Variants in GDAP2 observed in about 807,000 individuals in gnomAD.
GDAP2 encodes ganglioside induced differentiation associated protein 2, also known as ganglioside-induced differentiation-associated protein 2.
Under a neutral mutation model 67.0 loss-of-function variants are expected in GDAP2, and 51 were observed. The ratio of observed to expected loss-of-function variants is 0.76; its 90% CI spans 0.61 to 0.96. GDAP2 has a LOEUF of 0.96. Among genes scored for constraint, GDAP2 ranks in the 40% least tolerant of loss-of-function variants. The pLI is 0.00. For missense variants in GDAP2, 547 were observed against 588.3 expected (o/e 0.93, Z 0.73); for synonymous variants, 203 against 207.3 (o/e 0.98, Z 0.18).
intron 6 of GDAP2, among the ~76,000 whole-genome samples, chr1:117,905,961 C>T (rs1477468850): frequency 6.6e-6 from 1 of 151,894 alleles, no homozygotes; most frequent in East Asian, 1.9e-4. Flanking sequence ...CTCAATAATA[C>T]AAAACTTGGA....
intron 10 of GDAP2, among the ~76,000 whole-genome samples, chr1:117,884,683 G>A (rs1648785172): frequency 6.6e-6 from 1 of 152,018 alleles, no homozygotes; most frequent in African/African-American, 2.4e-5. Context: ...AAAATCAAAT[G>A]CAAAGATTTA....
chr1:117,922,447 T>C (rs1376506135), intron 1 of GDAP2, among the ~76,000 whole-genome samples: 1 of 152,200 alleles, frequency 6.6e-6, no homozygotes. Context: ...AAAGGTTGAA[T>C]AACAGGACTA....
Position 117,881,858 on chromosome 1 carries a change from C to T in GDAP2, c.1267G>A (p.Ala423Thr). The change falls in exon 12 of 14, where the codon GCT (alanine) becomes ACT (threonine). Residue 423 changes from alanine to threonine, a missense_variant. Physicochemically the swap from Ala to Thr is moderately conservative, Grantham distance 58. Transcript: ENST00000369443. ...AATGTGGGATGTACAAAATAAACAG[C>T]CTTCAAATTCCTCTTGTACCTGATC... ...VDVKYKRNLK[A>T]VYFVHPTFRS... 10 of 1,575,454 alleles carry T rather than the reference C, an allele frequency of 6.3e-6. No individual in the cohort carries two copies. Among genetic ancestry groups the T allele is most frequent in the Non-Finnish European group, 8.7e-6 (10 of 1,145,024 alleles).
At chr1:117,877,343 G>T in intron 13 of GDAP2, 1 of 978,992 alleles carries the variant, frequency 1.0e-6, no homozygotes, top group Non-Finnish European at 1.2e-6. Context: ...ATAAAGATAA[G>T]CAATCAGCAA....
chr1:117,878,056 G>T lies in GDAP2; in HGVS notation c.1399C>A (p.Pro467Thr). The T allele has an allele frequency of 6.2e-7, 1 of 1,611,524 alleles. No homozygotes were observed. ...AAAGGAGGAAAGTCAATCTGTTCTG[G>T]TGATATGGCAGAAAACAGCTGGTGG... Reference protein sequence around the residue: ...SLHQLFSAISPEQIDFPPFVL... With the variant: ...SLHQLFSAISTEQIDFPPFVL... Residue 467 changes from proline to threonine, a missense_variant, in exon 13 of 14, where the codon CCA becomes ACA. Transcript: ENST00000369443.
chr1:117,897,051 GAATGCTGCAGT>G (rs1461531262), intron 7 of GDAP2, 62 bp from the exon 8 acceptor site: 1 of 1,171,132 alleles, frequency 8.5e-7, no homozygotes, highest in Non-Finnish European at 1.2e-6. Flanking sequence ...TAAACATTGT[GAATGCTGCAGT>G]AAGGATGACA....
In GDAP2 at chr1:117,899,181, T is replaced by C; in HGVS notation, c.672A>G (p.Pro224=). 1 of 1,611,840 alleles carries C rather than the reference T, an allele frequency of 6.2e-7. No homozygotes were observed. Among genetic ancestry groups the C allele is most frequent in the East Asian group, 2.2e-5 (1 of 44,862 alleles). ...ATCGATTCTCCTCTTTTAATGACCT[T>C]GGGAAGTAGAGAGGTAGCAGCTTTT... The part of the protein sequence containing the change: ...TYQKLLPLYF[P]RSLKEENRSL... Residue 224 remains proline, a synonymous_variant, in exon 7 of 14, where the codon CCA becomes CCG. Transcript: ENST00000369443.
In GDAP2 at chr1:117,884,813, C is replaced by CGTGTGTGTGTGTGT. The variant is rs35296112; in HGVS notation, c.1108-1200_1108-1187dup. On this transcript the variant is annotated intron_variant, in intron 10 of 13. Coordinates refer to ENST00000369443, the MANE Select transcript of GDAP2 (RefSeq NM_017686.4). The stretch of plus-strand genomic sequence containing the variant: ...ATAATTTTCATCAGTTTATTCCCTC[C>CGTGTGTGTGTGTGT]GTGTGTGTGTGTGTGTGTGTGTGTG... Among the ~76,000 whole-genome samples the CGTGTGTGTGTGTGT allele has an allele frequency of 7.3e-3, 1,076 of 147,922 alleles. 18 individuals are homozygous for CGTGTGTGTGTGTGT. Among genetic ancestry groups the CGTGTGTGTGTGTGT allele is most frequent in the African/African-American group, 0.025 (999 of 40,368 alleles).
At position 117,899,144 on chromosome 1, in the gene GDAP2, G is replaced by A. The variant is rs1343616705; in HGVS notation, c.709C>T (p.Leu237=). 1.2e-6 allele frequency: 2 copies of A among 1,609,958 alleles called. No homozygotes were observed. Among genetic ancestry groups the A allele is most frequent in the South Asian group, 2.2e-5 (2 of 91,002 alleles). Residue 237 remains leucine (L), a synonymous_variant, in exon 7 of 14, where the codon CTA becomes TTA. Coordinates refer to ENST00000369443, the MANE Select transcript of GDAP2 (RefSeq NM_017686.4). Reference sequence around the variant, plus strand: ...TCTGCATTTCCAATATCTGCAGGTAGGTAGGGCAATGATCGATTCTCCTCT... The same window carrying A: ...TCTGCATTTCCAATATCTGCAGGTAAGTAGGGCAATGATCGATTCTCCTCT... ...LKEENRSLPY[L]PADIGNAEGE... is the part of the protein sequence containing the mutation.
chr1:117,897,390 G>C (rs1392946879), intron 7 of GDAP2, among the ~76,000 whole-genome samples: 3 of 152,204 alleles, frequency 2.0e-5, no homozygotes, highest in Non-Finnish European at 2.9e-5. Flanking sequence ...GTTGAAGGAG[G>C]AAGCATTTGA....
chr1:117,870,725 C>T (rs1648229530), intron 13 of GDAP2, 109 bp from the exon 14 acceptor site: 1 of 792,244 alleles, frequency 1.3e-6, no homozygotes. Context: ...AAATGTCTAG[C>T]ACATGTCTGG....
At position 117,881,869 on chromosome 1, in the gene GDAP2, C is replaced by T; in HGVS notation, c.1256G>A (p.Arg419Lys). Residue 419 changes from arginine to lysine, a missense_variant, in exon 12 of 14, where the codon AGG becomes AAG. Transcript: ENST00000369443. The stretch of plus-strand genomic sequence containing the variant: ...TACAAAATAAACAGCCTTCAAATTC[C>T]TCTTGTACCTGATCCAAAAATAAAA... The part of the protein sequence containing the change: ...LYDVVDVKYK[R>K]NLKAVYFVHP... The T allele has an allele frequency of 1.9e-6, 3 of 1,559,474 alleles. No individual in the cohort carries two copies. The highest frequency in any genetic ancestry group is 2.7e-6 in the Non-Finnish European group (3 of 1,130,488).
chr1:117,928,966 AG>A lies in GDAP2; in HGVS notation c.-68+481del, dbSNP rs1239887032. On this transcript the variant is annotated intron_variant, in intron 1 of 13. Coordinates refer to ENST00000369443, the MANE Select transcript of GDAP2 (RefSeq NM_017686.4). ...GGTCACTTCCCCCTCAAGCGGCCAG[AG>A]AGCGGAAACACAAAGCCAGGCCAGT... 2.0e-5 allele frequency among the ~76,000 whole-genome samples: 3 copies of A among 152,176 alleles called. No homozygotes were observed. The East Asian group carries it at 5.8e-4, about 29-fold the overall frequency.
At chr1:117,906,605 T>A (rs765171836) in intron 5 of GDAP2, 23 bp from the exon 6 acceptor site, 1 of 1,237,682 alleles carries the variant, frequency 8.1e-7, no homozygotes, top group East Asian at 2.3e-5. Context: ...ATAGAAAGAT[T>A]ACTCAATAAA....
chr1:117,897,795 C>A (rs192270062), intron 7 of GDAP2, among the ~76,000 whole-genome samples: 1 of 152,172 alleles, frequency 6.6e-6, no homozygotes, highest in Non-Finnish European at 1.5e-5. Context: ...AGTTTCCCCA[C>A]GTCTACTTCA....
chr1:117,911,077 A>G (rs375219126), intron 5 of GDAP2, among the ~76,000 whole-genome samples: 3 of 152,334 alleles, frequency 2.0e-5, no homozygotes, highest in East Asian at 3.9e-4. Context: ...GATGGACATC[A>G]TATTTGCTAA....
intron 12 of GDAP2, among the ~76,000 whole-genome samples, chr1:117,880,895 C>A (rs1648626976): frequency 6.6e-6 from 1 of 152,100 alleles, no homozygotes; most frequent in Non-Finnish European, 1.5e-5. Flanking sequence ...GGATTCACAG[C>A]ACAGGGAAAG....
At chr1:117,895,207 A>C (rs11810676) in intron 8 of GDAP2, among the ~76,000 whole-genome samples, 3 of 152,172 alleles carry the variant, frequency 2.0e-5, no homozygotes, top group Non-Finnish European at 4.4e-5. Flanking sequence ...CTGGTATAGT[A>C]TCAAAGAAGA....
chr1:117,915,388 G>A (rs1331514826), intron 3 of GDAP2, among the ~76,000 whole-genome samples: 2 of 152,166 alleles, frequency 1.3e-5, no homozygotes, highest in African/African-American at 2.4e-5. Flanking sequence ...CACACACAGA[G>A]ACAAATTAAT....
Sources: gnomAD v4.1 joint callset for allele counts (sites outside exome capture counted in the v4.1 genomes callset) on GRCh38, gnomAD v4.1.1 for gene constraint, MANE v1.5 for transcripts, NCBI Gene and HGNC (gene_info 2026-07-23, HGNC 2026-07-21) for gene names.